BID: variants seen among roughly 807,000 people sequenced by gnomAD.
BID encodes the protein BH3-interacting domain death agonist.
A neutral mutation model predicts 17.4 loss-of-function variants in BID; 19 were observed. The observed-to-expected ratio is 1.09, with a 90% CI of 0.76 to 1.60. BID has a LOEUF of 1.60. Among genes scored for constraint, BID ranks in the 40% most tolerant of loss-of-function variants. The probability of loss-of-function intolerance (pLI) is 0.00; values close to 1 mark genes in which losing one functional copy is unlikely to be tolerated. For synonymous variants in BID, 108 were observed against 102.8 expected, an observed-to-expected ratio of 1.05 and a Z score of -0.31; for missense variants, 226 against 256.0, an observed-to-expected ratio of 0.88 and a Z score of 0.80.
chr22:17,758,789 G>C (rs578228066), intron 1 of BID, among the ~76,000 whole-genome samples: 1 of 152,322 alleles, frequency 6.6e-6, no homozygotes, highest in East Asian at 1.9e-4. Context: ...TGTTTTGAAA[G>C]GTGAAAAAGT....
At chr22:17,764,376 G>A (rs1453397105) in intron 1 of BID, 1 of 152,822 alleles carries the variant, frequency 6.5e-6, no homozygotes, top group East Asian at 1.9e-4. Context: ...TTGGGAAGAG[G>A]CGTTGGCTGT....
intron 2 of BID, among the ~76,000 whole-genome samples, chr22:17,748,583 T>C (rs1285079532): frequency 6.6e-6 from 1 of 152,150 alleles, no homozygotes; most frequent in Non-Finnish European, 1.5e-5. Flanking sequence ...CTGAACCCTA[T>C]AATTGAAAAG....
At chr22:17,768,096 G>C (rs1434627751) in intron 1 of BID, among the ~76,000 whole-genome samples, 2 of 152,216 alleles carry the variant, frequency 1.3e-5, no homozygotes, top group African/African-American at 4.8e-5. Flanking sequence ...TAGACAGAAA[G>C]ATTAGGGCTG....
intron 2 of BID, among the ~76,000 whole-genome samples, chr22:17,748,479 G>A (rs1165964399): frequency 1.3e-5 from 2 of 151,750 alleles, no homozygotes; most frequent in East Asian, 1.9e-4. Flanking sequence ...CTGCACTCCA[G>A]CCTGGGCGAC....
intron 1 of BID, among the ~76,000 whole-genome samples, chr22:17,750,948 A>T (rs1247516061): frequency 2.0e-5 from 3 of 151,998 alleles, no homozygotes; most frequent in Non-Finnish European, 4.4e-5. Context: ...AAGCAGGAGG[A>T]TCACTTACAC....
At chr22:17,768,576 T>G (rs867566961) in intron 1 of BID, among the ~76,000 whole-genome samples, 16 of 152,252 alleles carry the variant, frequency 1.1e-4, no homozygotes, top group Admixed American at 2.6e-4. Context: ...GTAGACTCTG[T>G]CATAAAGAAC....
chr22:17,749,848 C>T (rs2061523152), intron 2 of BID, among the ~76,000 whole-genome samples: 1 of 152,240 alleles, frequency 6.6e-6, no homozygotes, highest in South Asian at 2.1e-4. Flanking sequence ...CTCGCCCTTG[C>T]AGTTAGCCCC....
intron 1 of BID, among the ~76,000 whole-genome samples, chr22:17,770,590 G>A (rs1186422590): frequency 1.3e-5 from 2 of 152,232 alleles, no homozygotes; most frequent in Admixed American, 6.5e-5. Context: ...ATGCAGAGGT[G>A]CCCCATAACA....
chr22:17,735,340 G>GAAAAA lies in BID; in HGVS notation c.*239_*240insTTTTT. 9.6e-6 allele frequency: 5 copies of GAAAAA among 521,892 alleles called. No individual in the cohort carries two copies. Among genetic ancestry groups the GAAAAA allele is most frequent in the Admixed American group, 3.5e-5 (1 of 28,742 alleles). The allele number at this position is 521,892 out of a possible 1,614,324, so 32.3% of individuals were successfully genotyped here. A position where few individuals can be genotyped will look rare whatever the true frequency, so the allele number is the denominator to read the frequency against. ...TTACAGATGTGCAGATTCATGTGTG[G>GAAAAA]ATGATATGAAGGCCATTCAAATACG... On this transcript the variant is annotated 3_prime_UTR_variant, in exon 6 of 6. Coordinates refer to ENST00000622694, the MANE Select transcript of BID (RefSeq NM_001196.4).
In BID at chr22:17,773,531, C is replaced by A; in HGVS notation, c.-59+850G>T. On this transcript the variant is annotated intron_variant, in intron 1 of 5. Coordinates refer to ENST00000622694, the MANE Select transcript of BID (RefSeq NM_001196.4). This position sits in a 1 kb window ranked among gnomAD's most constrained non-coding sequence, Gnocchi z 4.4. ...GTGGAAGAGCTCTGGGTGGGTCCAT[C>A]TGCTCCTCACCTGCCCCAACCCTGC... 1 of 1,488,228 alleles carries A rather than the reference C, an allele frequency of 6.7e-7. No individual in the cohort carries two copies. The highest frequency in any genetic ancestry group is 9.3e-7 in the Non-Finnish European group (1 of 1,077,366). 92.2% of individuals were successfully genotyped at this position (1,488,228 alleles called of 1,614,324 possible).
intron 1 of BID, among the ~76,000 whole-genome samples, chr22:17,762,518 T>A (rs1053031863): frequency 6.6e-6 from 1 of 152,078 alleles, no homozygotes; most frequent in African/African-American, 2.4e-5. Context: ...TTAATTAATT[T>A]AATTAAACAA....
At chr22:17,738,478 A>C (rs941134511) in intron 4 of BID, among the ~76,000 whole-genome samples, 1 of 152,198 alleles carries the variant, frequency 6.6e-6, no homozygotes, top group Admixed American at 6.5e-5. Flanking sequence ...CGGTGATGGG[A>C]TACAAGAAGC....
At chr22:17,771,280 T>C (rs2061718093) in intron 1 of BID, among the ~76,000 whole-genome samples, 1 of 152,178 alleles carries the variant, frequency 6.6e-6, no homozygotes, top group Non-Finnish European at 1.5e-5. Flanking sequence ...TCTGTATTTT[T>C]AGTAGAGACG....
At chr22:17,744,471 G>A (rs989961090) in intron 2 of BID, among the ~76,000 whole-genome samples, 4 of 152,214 alleles carry the variant, frequency 2.6e-5, no homozygotes, top group African/African-American at 2.4e-5. Flanking sequence ...GCCTCTTTCC[G>A]CTCATCTCCT....
At chr22:17,742,922 G>A (rs987678761) in intron 3 of BID, among the ~76,000 whole-genome samples, 1 of 152,238 alleles carries the variant, frequency 6.6e-6, no homozygotes, top group Admixed American at 6.5e-5. Context: ...TGGAGCTGGA[G>A]GCTGGAGGAG....
rs1266067346 is a variant in BID at position 17,769,239 on chromosome 22, T to A, written c.-59+5142A>T. 3.3e-5 allele frequency among the ~76,000 whole-genome samples: 5 copies of A among 152,060 alleles called. No individual in the cohort carries two copies. Among genetic ancestry groups the A allele is most frequent in the African/African-American group, 1.2e-4 (5 of 41,402 alleles). ...TGGCAGAAACGCCTCCCCTCTCCTA[T>A]GGAGGGGCTGATGACCCAGGAGCGG... On this transcript the variant is annotated intron_variant, in intron 1 of 5. Transcript: ENST00000622694. This position sits in a 1 kb window ranked among gnomAD's most constrained non-coding sequence, Gnocchi z 4.8.
chr22:17,737,137 ACAGGGTCTCGCCATGTTGCT>A, intron 5 of BID, among the ~76,000 whole-genome samples: 1 of 151,822 alleles, frequency 6.6e-6, no homozygotes, highest in South Asian at 2.1e-4. Flanking sequence ...TTTTTTAGAG[ACAGGGTCTCGCCATGTTGCT>A]CAGTTTTGTC....
At chr22:17,760,032 G>T (rs1023480838) in intron 1 of BID, among the ~76,000 whole-genome samples, 1 of 151,360 alleles carries the variant, frequency 6.6e-6, no homozygotes, top group Non-Finnish European at 1.5e-5. Context: ...TACTCAGGAG[G>T]CTGAGGCAGG....
chr22:17,764,477 A>G (rs1381261671), intron 1 of BID, among the ~76,000 whole-genome samples: 1 of 152,252 alleles, frequency 6.6e-6, no homozygotes, highest in Non-Finnish European at 1.5e-5. Flanking sequence ...ACCAGAGGGA[A>G]AAAAGGTCAA....
Sources: gnomAD v4.1 joint callset for allele counts (sites outside exome capture counted in the v4.1 genomes callset) on GRCh38, gnomAD v4.1.1 for gene constraint, Gnocchi (gnomAD v3.1) non-coding constraint, MANE v1.5 for transcripts, NCBI Gene and HGNC (gene_info 2026-07-23, HGNC 2026-07-21) for gene names.